Variants in FRAS1 observed in about 807,000 individuals in gnomAD.
The protein encoded by FRAS1 is Fraser extracellular matrix complex subunit 1, also known as extracellular matrix organizing protein FRAS1.
Under a neutral mutation model 435.2 loss-of-function variants are expected in FRAS1, and 290 were observed. The observed-to-expected ratio is 0.67, with a 90% CI of 0.61 to 0.73. The LOEUF is 0.73. Among genes scored for constraint, FRAS1 ranks in the 30% least tolerant of loss-of-function variants. The pLI is 0.00. For synonymous variants in FRAS1, 1,800 were observed against 1,851.0 expected (o/e 0.97, Z 0.71); for missense variants, 4,860 against 5,001.5 (o/e 0.97, Z 0.85).
chr4:78,472,868 G>A (rs1220441109), intron 52 of FRAS1, among the ~76,000 whole-genome samples: 1 of 152,132 alleles, frequency 6.6e-6, no homozygotes, highest in East Asian at 1.9e-4. Flanking sequence ...TGACTTGACT[G>A]GGAGCAGTCA....
chr4:78,255,098 C>A, intron 5 of FRAS1, 144 bp from the exon 6 acceptor site: 1 of 775,842 alleles, frequency 1.3e-6, no homozygotes, highest in East Asian at 2.7e-5. Context: ...AAGGTAGTGA[C>A]TGCAGAGCAT....
chr4:78,463,875 A>T (rs887949444), intron 47 of FRAS1, 146 bp from the exon 48 acceptor site: 1 of 854,228 alleles, frequency 1.2e-6, no homozygotes, highest in African/African-American at 1.7e-5. Flanking sequence ...AACTCTAACA[A>T]CAAGGTCCTC....
At chr4:78,340,219 C>T (rs577896971) in intron 20 of FRAS1, among the ~76,000 whole-genome samples, 1 of 152,186 alleles carries the variant, frequency 6.6e-6, no homozygotes, top group South Asian at 2.1e-4. Flanking sequence ...AAGAGAAGGT[C>T]CTACCAAAAT....
chr4:78,315,609 G>A lies in FRAS1; in HGVS notation c.1694G>A (p.Cys565Tyr). The change falls in exon 16 of 74, where the codon TGT (cysteine) becomes TAT (tyrosine). Residue 565 changes from cysteine (C) to tyrosine (Y), a missense_variant. Cys to Tyr is a radical substitution (Grantham distance 194). Coordinates refer to ENST00000512123, the MANE Select transcript of FRAS1 (RefSeq NM_025074.7). ...QGTCSACDQS[C>Y]DSCGPSSPRC... The stretch of plus-strand genomic sequence containing the variant: ...CTCCCCTTAGCTTGTGACCAATCCT[G>A]TGACAGTTGTGGCCCCAGTAGCCCC... 1 of 1,612,000 alleles carries A rather than the reference G, an allele frequency of 6.2e-7. No individual in the cohort carries two copies. Among genetic ancestry groups the A allele is most frequent in the Non-Finnish European group, 8.5e-7 (1 of 1,178,944 alleles).
intron 2 of FRAS1, among the ~76,000 whole-genome samples, chr4:78,090,430 G>T (rs1023711864): frequency 3.3e-5 from 5 of 152,140 alleles, no homozygotes; most frequent in Non-Finnish European, 4.4e-5. Context: ...TAAGTTTAAA[G>T]CTATTTTTTC....
At chr4:78,455,788 C>T (rs1041140408) in intron 47 of FRAS1, among the ~76,000 whole-genome samples, 2 of 152,202 alleles carry the variant, frequency 1.3e-5, no homozygotes, top group Admixed American at 6.5e-5. Flanking sequence ...GAGCAGGCCA[C>T]ACCCTCACAT....
At position 78,456,274 on chromosome 4, in the gene FRAS1, C is replaced by T. The variant is rs138846505; in HGVS notation, c.6763+3920C>T. On this transcript the variant is annotated intron_variant, in intron 47 of 73. Transcript: ENST00000512123. ...TCTTGTGCCTCAGCCTCCCAAATGG[C>T]TGGGATTACAGGCACACACCCCCAC... Among the ~76,000 whole-genome samples, 1,433 of 151,342 alleles carry T rather than the reference C, an allele frequency of 9.5e-3. 23 individuals are homozygous for T. The highest frequency in any genetic ancestry group is 0.033 in the African/African-American group (1,374 of 41,250).
intron 2 of FRAS1, among the ~76,000 whole-genome samples, chr4:78,132,534 T>C (rs1042506526): frequency 5.3e-5 from 8 of 152,142 alleles, no homozygotes; most frequent in Non-Finnish European, 8.8e-5. Context: ...CTTTTTTGAC[T>C]AAGTCAAGGA....
chr4:78,479,737 G>GAGT lies in FRAS1; in HGVS notation c.8443+20_8443+22dup. The GAGT allele has an allele frequency of 6.6e-7, 1 of 1,525,394 alleles. No individual in the cohort carries two copies. The allele number at this position is 1,525,394 out of a possible 1,614,324, so 94.5% of individuals were successfully genotyped here. A position where few individuals can be genotyped will look rare whatever the true frequency, so the allele number is the denominator to read the frequency against. On this transcript the variant is annotated intron_variant, in intron 56 of 73. Coordinates refer to ENST00000512123, the MANE Select transcript of FRAS1 (RefSeq NM_025074.7). ...GACGCAGGTAATGGAGAGTGTCTCT[G>GAGT]AGTTTCCTTCACCTGTCTCCTGATT... is the stretch of plus-strand genomic sequence containing the variant.
At chr4:78,422,549 A>G (rs1438821065) in intron 34 of FRAS1, among the ~76,000 whole-genome samples, 1 of 150,948 alleles carries the variant, frequency 6.6e-6, no homozygotes, top group Admixed American at 6.6e-5. Context: ...AAGGAAGAGC[A>G]CTAGCTCCAG....
chr4:78,498,064 G>A (rs1249244052), intron 60 of FRAS1, among the ~76,000 whole-genome samples: 1 of 152,206 alleles, frequency 6.6e-6, no homozygotes, highest in Non-Finnish European at 1.5e-5. Context: ...CACAGGGAGA[G>A]GAACATCATA....
chr4:78,534,575 G>A lies in FRAS1; in HGVS notation c.11052G>A (p.Met3684Ile). ...VFLMDPNTSDMSLAEMDYKGA... is the reference protein window; with the variant it reads ...VFLMDPNTSDISLAEMDYKGA... The stretch of plus-strand genomic sequence containing the variant: ...TAATGGATCCCAATACATCTGATAT[G>A]TCACTAGCAGAAATGGATTACAAAG... Residue 3684 changes from methionine (M) to isoleucine (I), a missense_variant, in exon 71 of 74, where the codon ATG becomes ATA. Coordinates refer to ENST00000512123, the MANE Select transcript of FRAS1 (RefSeq NM_025074.7). The A allele has an allele frequency of 6.2e-7, 1 of 1,613,390 alleles. No homozygotes were observed. The highest frequency in any genetic ancestry group is 8.5e-7 in the Non-Finnish European group (1 of 1,179,578).
chr4:78,503,518 T>A (rs2109877557), intron 61 of FRAS1, among the ~76,000 whole-genome samples: 1 of 152,354 alleles, frequency 6.6e-6, no homozygotes, highest in South Asian at 2.1e-4. Context: ...TTTATAGTAT[T>A]CTCTGATGGT....
chr4:78,497,714 T>C (rs1720547295), intron 60 of FRAS1, among the ~76,000 whole-genome samples: 1 of 152,220 alleles, frequency 6.6e-6, no homozygotes, highest in African/African-American at 2.4e-5. Context: ...TATACAGCTG[T>C]AAACAGCAAA....
rs9685052 is a variant in FRAS1, at chr4:78,139,177, G to A, written c.108+73161G>A. Among the ~76,000 whole-genome samples, 117 of 152,336 alleles carry A rather than the reference G, an allele frequency of 7.7e-4. 1 individual carries two copies. The highest frequency in any genetic ancestry group is 2.5e-3 in the African/African-American group (103 of 41,578). On this transcript the variant is annotated intron_variant, in intron 2 of 73. Transcript: ENST00000512123. ...TCAGGCAGTCACTAATGGTGGGGTA[G>A]TACAGCGCCAGCCTTGGGCAGGCTG...
intron 32 of FRAS1, among the ~76,000 whole-genome samples, chr4:78,414,424 C>G (rs545687580): frequency 1.3e-5 from 2 of 152,114 alleles, no homozygotes; most frequent in Admixed American, 1.3e-4. Flanking sequence ...TGCATACTTG[C>G]GAATTAGGTC....
intron 2 of FRAS1, among the ~76,000 whole-genome samples, chr4:78,174,041 T>G (rs1403069363): frequency 6.6e-6 from 1 of 152,222 alleles, no homozygotes; most frequent in African/African-American, 2.4e-5. Context: ...TGGTGTCTCC[T>G]CTGTCTCCCG....
At chr4:78,396,052 G>C (rs1282667947) in intron 29 of FRAS1, among the ~76,000 whole-genome samples, 4 of 151,616 alleles carry the variant, frequency 2.6e-5, no homozygotes. Context: ...TTGCCATGAG[G>C]GTTACATAAA....
intron 29 of FRAS1, among the ~76,000 whole-genome samples, chr4:78,395,426 C>T (rs977796190): frequency 1.3e-5 from 2 of 151,934 alleles, no homozygotes; most frequent in Non-Finnish European, 1.5e-5. Flanking sequence ...GATTTTCTAT[C>T]TGGATGATCT....
Sources: gnomAD v4.1 joint callset for allele counts (sites outside exome capture counted in the v4.1 genomes callset) on GRCh38, gnomAD v4.1.1 for gene constraint, MANE v1.5 for transcripts, NCBI Gene and HGNC (gene_info 2026-07-23, HGNC 2026-07-21) for gene names.